PSG7: variants seen among roughly 807,000 people sequenced by gnomAD.
PSG7 encodes pregnancy-specific beta-1-glycoprotein 7.
Under a neutral mutation model 45.6 loss-of-function variants are expected in PSG7, and 57 were observed. The observed-to-expected ratio is 1.25, with a 90% confidence interval of 1.01 to 1.56. The LOEUF is 1.56. PSG7 is among the 40% of genes most tolerant of loss of function. PSG7 has a pLI of 0.00. For missense variants in PSG7, 796 were observed against 508.4 expected, an observed-to-expected ratio of 1.57 and a Z score of -5.44; for synonymous variants, 298 against 194.4, an observed-to-expected ratio of 1.53 and a Z score of -4.43.
rs543491391 is a variant in PSG7 at position 42,936,372 on chromosome 19, GT to G, written c.65-604del. On this transcript the variant is annotated intron_variant, in intron 1 of 5. Coordinates refer to ENST00000406070, the MANE Select transcript of PSG7 (RefSeq NM_002783.3). ...TCTCAGGGGCCTCCATGCCCTGGGT[GT>G]TTTTTTTCCTCCCAATTGTTGAGGT... 29 of 157,692 alleles carry G rather than the reference GT, an allele frequency of 1.8e-4. 2 individuals are homozygous for G. The South Asian group carries it at 4.5e-3, about 25-fold the overall frequency. 9.8% of individuals were successfully genotyped at this position (157,692 alleles called of 1,614,324 possible). A position where few individuals can be genotyped will look rare whatever the true frequency, so the allele number is the denominator to read the frequency against.
chr19:42,929,380 G>C, intron 3 of PSG7, 62 bp downstream of exon 3: 2 of 1,610,896 alleles, frequency 1.2e-6, no homozygotes, highest in African/African-American at 2.7e-5. Flanking sequence ...TGAGAAGCCC[G>C]GCCTCTGGCC....
At chr19:42,931,042 G>C (rs1470157471) in intron 2 of PSG7, among the ~76,000 whole-genome samples, 1 of 151,576 alleles carries the variant, frequency 6.6e-6, no homozygotes, top group African/African-American at 2.4e-5. Flanking sequence ...GGTCAGAAGG[G>C]TTGAGTTTTG....
Position 42,926,554 on chromosome 19 carries a change from T to A in PSG7, c.872A>T (p.Glu291Val). The A allele has an allele frequency of 6.2e-7, 1 of 1,610,546 alleles. No homozygotes were observed. The highest frequency in any genetic ancestry group is 8.5e-7 in the Non-Finnish European group (1 of 1,179,034). ...ACTGGGTAGAATGAGGATCCTGTTT[T>A]CAATGCGTCGCTTTACCCTGGGACT... is the stretch of plus-strand genomic sequence containing the variant. ...PVSPRVKRRI[E>V]NRILILPSVT... The change falls in exon 4 of 6, where the codon GAA becomes GTA. Residue 291 changes from glutamate to valine, a missense_variant. Glu to Val is a moderately radical substitution (Grantham distance 121). Coordinates refer to ENST00000406070, the MANE Select transcript of PSG7 (RefSeq NM_002783.3).
At chr19:42,931,258 G>C (rs1192769477) in intron 2 of PSG7, among the ~76,000 whole-genome samples, 1 of 151,626 alleles carries the variant, frequency 6.6e-6, no homozygotes, top group Non-Finnish European at 1.5e-5. Context: ...GCTGGTAGTA[G>C]TATTTCTCTT....
intron 2 of PSG7, among the ~76,000 whole-genome samples, chr19:42,931,866 T>C (rs1973026926): frequency 6.7e-6 from 1 of 150,250 alleles, no homozygotes; most frequent in South Asian, 2.1e-4. Flanking sequence ...ATACTAAATA[T>C]GAAGTTGAAA....
intron 3 of PSG7, chr19:42,929,194 A>C (rs920459219): frequency 7.9e-6 from 7 of 884,330 alleles, no homozygotes; most frequent in African/African-American, 3.4e-5. Flanking sequence ...AGCCTGAGAC[A>C]TTCACCTGTT....
chr19:42,925,849 G>A lies in PSG7; in HGVS notation c.1167C>T (p.Ser389=), dbSNP rs573034811. 6.2e-6 allele frequency: 10 copies of A among 1,611,960 alleles called. 1 individual carries two copies. Among genetic ancestry groups the A allele is most frequent in the Admixed American group, 3.3e-5 (2 of 59,848 alleles). Residue 389 remains serine (S), a synonymous_variant, in exon 5 of 6, where the codon AGC becomes AGT. Transcript: ENST00000406070. Reference sequence around the variant, plus strand: ...TACGAACAGAGCAAGCATAGAGCCCGCTATGCTTTGTAGTAATCTGGGGGA... The same window carrying A: ...TACGAACAGAGCAAGCATAGAGCCCACTATGCTTTGTAGTAATCTGGGGGA... The part of the protein sequence containing the change: ...LSIPQITTKH[S]GLYACSVRNS...
chr19:42,925,169 T>C lies in PSG7; in HGVS notation c.1244-345A>G. On this transcript the variant is annotated intron_variant, in intron 5 of 5. Coordinates refer to ENST00000406070, the MANE Select transcript of PSG7 (RefSeq NM_002783.3). ...GACTTCAGAGTTTGCCTGCAGTTCA[T>C]ACTGGTTCATTCTAGCTATATTCTT... 4 of 387,406 alleles carry C rather than the reference T, an allele frequency of 1.0e-5. No individual in the cohort carries two copies. The South Asian group carries it at 1.4e-4, about 14-fold the overall frequency. The allele number at this position is 387,406 out of a possible 1,614,324, so 24.0% of individuals were successfully genotyped here. A position where few individuals can be genotyped will look rare whatever the true frequency, so the allele number is the denominator to read the frequency against.
At chr19:42,928,639 C>T (rs144229572) in intron 3 of PSG7, among the ~76,000 whole-genome samples, 4 of 151,460 alleles carry the variant, frequency 2.6e-5, no homozygotes, top group African/African-American at 9.7e-5. Context: ...AGGGTACAGG[C>T]AAAACCTGGT....
At chr19:42,935,059 G>A (rs1360608243) in intron 2 of PSG7, among the ~76,000 whole-genome samples, 3 of 151,612 alleles carry the variant, frequency 2.0e-5, no homozygotes, top group Admixed American at 1.3e-4. Flanking sequence ...GTCTCAGGGG[G>A]CCCCTCAGGC....
In PSG7 at chr19:42,936,947, C is replaced by A. The variant is rs569460338; in HGVS notation, c.64+66G>T. The A allele has an allele frequency of 8.2e-6, 13 of 1,594,876 alleles. 1 individual carries two copies. In the East Asian group the frequency reaches 2.7e-4, roughly 33 times the overall value. On this transcript the variant is annotated intron_variant, in intron 1 of 5. Transcript: ENST00000406070. ...TTTATTTTTTAGAACCCCATCCTCT[C>A]TAGGAGACCCCATCCAGTCACTCTG...
chr19:42,933,401 T>C (rs914368286), intron 2 of PSG7, among the ~76,000 whole-genome samples: 3 of 143,054 alleles, frequency 2.1e-5, no homozygotes, highest in African/African-American at 7.8e-5. Flanking sequence ...CCTATCCCTG[T>C]CCCATGGTCT....
intron 5 of PSG7, chr19:42,925,049 C>T: frequency 1.8e-6 from 1 of 556,102 alleles, no homozygotes; most frequent in Non-Finnish European, 3.2e-6. Flanking sequence ...ACTATGTAGG[C>T]TCTCTTTTAA....
At chr19:42,933,058 T>A (rs893048998) in intron 2 of PSG7, among the ~76,000 whole-genome samples, 9 of 149,314 alleles carry the variant, frequency 6.0e-5, no homozygotes, top group African/African-American at 1.5e-4. Flanking sequence ...ATTCAAGCAC[T>A]AACAGATCAT....
chr19:42,935,632 A>T lies in PSG7; in HGVS notation c.202T>A (p.Tyr68Asn), dbSNP rs1354651064. Residue 68 changes from tyrosine to asparagine, a missense_variant, in exon 2 of 6, where the codon TAC becomes AAC. Physicochemically the swap from Tyr to Asn is moderately radical, Grantham distance 143. Coordinates refer to ENST00000406070, the MANE Select transcript of PSG7 (RefSeq NM_002783.3). ...TAGAGGTCCCTGATTTGTCCTTTGT[A>T]CCAGATGTAGCCAGTAAGATTCTGG... ...LPQNLTGYIW[Y>N]KGQIRDLYHY... 1 of 1,612,092 alleles carries T rather than the reference A, an allele frequency of 6.2e-7. No individual in the cohort carries two copies.
At chr19:42,935,854 T>C in intron 1 of PSG7, 85 bp from the exon 2 acceptor site, 2 of 1,480,072 alleles carry the variant, frequency 1.4e-6, no homozygotes, top group Non-Finnish European at 1.8e-6. Flanking sequence ...AGAAGGTCTC[T>C]TCAATCCTCA....
chr19:42,936,067 C>T (rs536450916), intron 1 of PSG7: 67 of 423,920 alleles, frequency 1.6e-4, no homozygotes, highest in Middle Eastern at 7.0e-4. Flanking sequence ...GGGGTCCGCA[C>T]GGCCCCCTCC....
At chr19:42,933,314 T>A (rs1472759630) in intron 2 of PSG7, among the ~76,000 whole-genome samples, 20 of 97,064 alleles carry the variant, frequency 2.1e-4, no homozygotes, top group East Asian at 6.9e-4. Context: ...TATATTTTTT[T>A]TTTTTTTTGG....
At chr19:42,929,328 T>C (rs1972963950) in intron 3 of PSG7, 114 bp downstream of exon 3, 1 of 1,590,020 alleles carries the variant, frequency 6.3e-7, no homozygotes, top group Admixed American at 1.7e-5. Flanking sequence ...CCAGCTTTGA[T>C]GTCCAGGGGT....
Sources: allele counts gnomAD v4.1 joint callset (sites outside exome capture counted in the v4.1 genomes callset), GRCh38; gene constraint gnomAD v4.1.1; transcripts MANE v1.5; gene names NCBI Gene and HGNC (gene_info 2026-07-23, HGNC 2026-07-21).